Variants in TTC7B observed in about 807,000 individuals in gnomAD.
The protein encoded by TTC7B is tetratricopeptide repeat protein 7B.
Under a neutral mutation model 106.8 loss-of-function variants are expected in TTC7B, and 28 were observed. The observed-to-expected ratio is 0.26, with a 90% CI of 0.19 to 0.36. TTC7B has a LOEUF of 0.36. Ranked by LOEUF, TTC7B falls within the 10% of genes least tolerant of loss-of-function variation. TTC7B has a pLI of 1.00. For synonymous variants in TTC7B, 405 were observed against 430.6 expected (o/e 0.94, Z 0.74); for missense variants, 862 against 1,076.4 (o/e 0.80, Z 2.79).
chr14:90,610,537 G>A, intron 17 of TTC7B, among the ~76,000 whole-genome samples: 1 of 152,184 alleles, frequency 6.6e-6, no homozygotes, highest in Non-Finnish European at 1.5e-5. Context: ...GAAAGCACTG[G>A]GCTGGGCAAA....
chr14:90,680,681 A>G, intron 7 of TTC7B, 146 bp from the exon 8 acceptor site: 1 of 614,412 alleles, frequency 1.6e-6, no homozygotes. Context: ...TAATTTGCCT[A>G]TTTCTATGGT....
At chr14:90,616,447 G>A (rs1180541189) in intron 16 of TTC7B, among the ~76,000 whole-genome samples, 2 of 152,160 alleles carry the variant, frequency 1.3e-5, no homozygotes, top group African/African-American at 2.4e-5. Context: ...AGCGAAGGGC[G>A]GGTGCGCCCA....
At chr14:90,746,475 G>C (rs554801860) in intron 3 of TTC7B, among the ~76,000 whole-genome samples, 15 of 152,246 alleles carry the variant, frequency 9.9e-5, no homozygotes, top group African/African-American at 3.6e-4. Flanking sequence ...CCTGATATCA[G>C]AGGTTTATCA....
intron 3 of TTC7B, among the ~76,000 whole-genome samples, chr14:90,777,025 C>T (rs1481336687): frequency 6.6e-6 from 1 of 152,140 alleles, no homozygotes; most frequent in African/African-American, 2.4e-5. Context: ...CACCTGAGAT[C>T]AGGAGTTCGA....
At chr14:90,736,634 C>T (rs184774499) in intron 4 of TTC7B, among the ~76,000 whole-genome samples, 3 of 152,024 alleles carry the variant, frequency 2.0e-5, no homozygotes, top group African/African-American at 4.8e-5. Context: ...CATGTAATCA[C>T]AGTACTTTGG....
chr14:90,692,381 A>ATAG (rs1887509790), intron 6 of TTC7B, among the ~76,000 whole-genome samples: 1 of 152,192 alleles, frequency 6.6e-6, no homozygotes, highest in Non-Finnish European at 1.5e-5. Flanking sequence ...ATGATCTCAC[A>ATAG]CCAGATAGAG....
chr14:90,630,013 G>T (rs979201798), intron 15 of TTC7B, among the ~76,000 whole-genome samples: 2 of 152,322 alleles, frequency 1.3e-5, no homozygotes, highest in South Asian at 2.1e-4. Context: ...TTGTGAAAAT[G>T]GGGGGAGGGG....
chr14:90,758,209 G>A (rs1003882815), intron 3 of TTC7B, among the ~76,000 whole-genome samples: 1 of 151,020 alleles, frequency 6.6e-6, no homozygotes, highest in African/African-American at 2.4e-5. Flanking sequence ...CAAGTACAGG[G>A]GCTTCAAATG....
At chr14:90,629,831 G>T (rs1211162268) in intron 15 of TTC7B, among the ~76,000 whole-genome samples, 1 of 152,242 alleles carries the variant, frequency 6.6e-6, no homozygotes, top group Non-Finnish European at 1.5e-5. Context: ...GCCCCCGGCG[G>T]TCAGCCAGTG....
chr14:90,595,330 C>T (rs957087507), intron 17 of TTC7B, among the ~76,000 whole-genome samples: 11 of 151,226 alleles, frequency 7.3e-5, no homozygotes, highest in African/African-American at 2.7e-4. Flanking sequence ...GAGACTCTGT[C>T]TCAAAAAAAT....
rs542871577 is a variant in TTC7B at position 90,766,140 on chromosome 14, T to G, written c.445+14598A>C. The stretch of plus-strand genomic sequence containing the variant: ...GCACAAAGACAGCCTACAACGTTTT[T>G]TTTTTTTTTTAATAAACAAAAACAG... On this transcript the variant is annotated intron_variant, in intron 3 of 19. Transcript: ENST00000328459. Among the ~76,000 whole-genome samples the G allele has an allele frequency of 9.8e-4, 149 of 151,604 alleles. 1 individual carries two copies. The highest frequency in any genetic ancestry group is 3.3e-3 in the African/African-American group (136 of 41,316).
intron 19 of TTC7B, among the ~76,000 whole-genome samples, chr14:90,559,152 C>T (rs1032356369): frequency 1.3e-5 from 2 of 152,202 alleles, no homozygotes; most frequent in East Asian, 1.9e-4. Context: ...GCCGGGCAAA[C>T]GCGGAGCTTG....
In TTC7B at chr14:90,536,108, C is replaced by T. The variant is rs1359557934; in HGVS notation, c.*5260G>A. 6.5e-6 allele frequency: 1 copy of T among 154,276 alleles called. No individual in the cohort carries two copies. The highest frequency in any genetic ancestry group is 2.4e-5 in the African/African-American group (1 of 41,460). 9.6% of individuals were successfully genotyped at this position (154,276 alleles called of 1,614,324 possible). On this transcript the variant is annotated 3_prime_UTR_variant, in exon 20 of 20. Transcript: ENST00000328459. Reference sequence around the variant, plus strand: ...GTCAAGGTCACTGCCAACCTGCACACCACCAGGCCCACGGTCAGCTCTCAG... The same window carrying T: ...GTCAAGGTCACTGCCAACCTGCACATCACCAGGCCCACGGTCAGCTCTCAG...
intron 18 of TTC7B, among the ~76,000 whole-genome samples, chr14:90,589,265 A>G (rs4900050): frequency 6.6e-6 from 1 of 152,234 alleles, no homozygotes; most frequent in Non-Finnish European, 1.5e-5. Context: ...AAAAAAAAAT[A>G]CACAGTCAGC....
At chr14:90,804,808 A>AG (rs1457637057) in intron 1 of TTC7B, among the ~76,000 whole-genome samples, 1 of 152,214 alleles carries the variant, frequency 6.6e-6, no homozygotes, top group Non-Finnish European at 1.5e-5. Context: ...TGCAAGGGCC[A>AG]GGGGGGTAGT....
chr14:90,660,721 G>A (rs1292940104), intron 9 of TTC7B, among the ~76,000 whole-genome samples: 1 of 152,228 alleles, frequency 6.6e-6, no homozygotes, highest in Non-Finnish European at 1.5e-5. Context: ...GGTGGTGGGA[G>A]AGGAGAGAAA....
chr14:90,674,887 G>T (rs1053512521), intron 9 of TTC7B, among the ~76,000 whole-genome samples: 5 of 152,150 alleles, frequency 3.3e-5, no homozygotes, highest in African/African-American at 1.2e-4. Context: ...ACTTGCAAAG[G>T]TTCCCGCAAC....
chr14:90,711,961 T>C (rs1280296851), intron 5 of TTC7B, among the ~76,000 whole-genome samples: 1 of 152,084 alleles, frequency 6.6e-6, no homozygotes, highest in Non-Finnish European at 1.5e-5. Flanking sequence ...AAAAGGTTTA[T>C]ACTAGATTAA....
intron 5 of TTC7B, among the ~76,000 whole-genome samples, chr14:90,728,709 A>G (rs538067608): frequency 2.5e-4 from 38 of 152,286 alleles, no homozygotes; most frequent in African/African-American, 8.7e-4. Flanking sequence ...TCTCACACAA[A>G]ACATTTTCAA....
Sources: allele counts gnomAD v4.1 joint callset (sites outside exome capture counted in the v4.1 genomes callset), GRCh38; gene constraint gnomAD v4.1.1; transcripts MANE v1.5; gene names NCBI Gene and HGNC (gene_info 2026-07-23, HGNC 2026-07-21).